GSX2: variants seen among roughly 807,000 people sequenced by gnomAD.
GSX2 encodes genetic-screened homeobox 2.
GSX2 carries 16 observed loss-of-function variants against 19.2 expected under a neutral mutation model. The observed-to-expected ratio is 0.84, with a 90% CI of 0.57 to 1.27. GSX2 has a LOEUF of 1.27. Among genes scored for constraint, GSX2 ranks in the 50% most tolerant of loss-of-function variants. GSX2 has a pLI of 0.00. For synonymous variants in GSX2, 217 were observed against 196.4 expected, an observed-to-expected ratio of 1.10 and a Z score of -0.88; for missense variants, 448 against 428.4, an observed-to-expected ratio of 1.05 and a Z score of -0.40.
rs1342141283 is a variant in GSX2 at position 54,100,718 on chromosome 4, C to T, written c.374C>T (p.Ala125Val). 4 of 1,548,330 alleles carry T rather than the reference C, an allele frequency of 2.6e-6. No homozygotes were observed. The highest frequency in any genetic ancestry group is 2.0e-5 in the Admixed American group (1 of 50,866). The change falls in exon 1 of 2, where the codon GCG becomes GTG. Residue 125 changes from alanine to valine, a missense_variant. Ala to Val is a moderately conservative substitution (Grantham distance 64, BLOSUM62 0). Coordinates refer to ENST00000326902, the MANE Select transcript of GSX2 (RefSeq NM_133267.3). ...CAGTTTTGCCCGCGGGTGAACCATGCGCATCATCACCACCACCCGCCGCAG... is the reference window on the plus strand; with the variant it reads ...CAGTTTTGCCCGCGGGTGAACCATGTGCATCATCACCACCACCCGCCGCAG... ...DAQFCPRVNH[A>V]HHHHHPPQHH...
chr4:54,102,466 T>C lies in GSX2; in HGVS notation c.*544T>C, dbSNP rs1718192301. 6.6e-6 allele frequency: 1 copy of C among 152,112 alleles called. No individual in the cohort carries two copies. The highest frequency in any genetic ancestry group is 1.5e-5 in the Non-Finnish European group (1 of 68,024). The allele number at this position is 152,112 out of a possible 1,614,324, so 9.4% of individuals were successfully genotyped here. A position where few individuals can be genotyped will look rare whatever the true frequency, so the allele number is the denominator to read the frequency against. On this transcript the variant is annotated 3_prime_UTR_variant, in exon 2 of 2. Coordinates refer to ENST00000326902, the MANE Select transcript of GSX2 (RefSeq NM_133267.3). The stretch of plus-strand genomic sequence containing the variant: ...TAGGTTTATATAAAATTTATATTTA[T>C]ATTTATTTAAATAAATGAAACAAAA...
chr4:54,101,266 C>A lies in GSX2; in HGVS notation c.575-316C>A, dbSNP rs1364753250. ...CCTGTGTGGCATCCCCGCGTCGGGG[C>A]GGCTAAAGCGTCTTGACGTTTTTGG... On this transcript the variant is annotated intron_variant, in intron 1 of 1. Transcript: ENST00000326902. The surrounding 1 kb of genome is among the most constrained non-coding windows in gnomAD (Gnocchi z 5.0). 1.3e-5 allele frequency among the ~76,000 whole-genome samples: 2 copies of A among 152,180 alleles called. No homozygotes were observed. The highest frequency in any genetic ancestry group is 2.9e-5 in the Non-Finnish European group (2 of 68,036).
chr4:54,100,459 C>A lies in GSX2; in HGVS notation c.115C>A (p.Pro39Thr). Reference sequence around the variant, plus strand: ...TTTCTTCATCCCGCTTGGCATGCCGCCCCCATTGGTGATGTCCGTGTCCGG... The same window carrying A: ...TTTCTTCATCCCGCTTGGCATGCCGACCCCATTGGTGATGTCCGTGTCCGG... Reference protein sequence around the residue: ...PDFFIPLGMPPPLVMSVSGPG... With the variant: ...PDFFIPLGMPTPLVMSVSGPG... Residue 39 changes from proline (P) to threonine (T), a missense_variant, in exon 1 of 2, where the codon CCC becomes ACC. Transcript: ENST00000326902. 1 of 1,613,978 alleles carries A rather than the reference C, an allele frequency of 6.2e-7. No individual in the cohort carries two copies. The highest frequency in any genetic ancestry group is 8.5e-7 in the Non-Finnish European group (1 of 1,179,966).
rs762586267 is a variant in GSX2, at chr4:54,102,045, G to A, written c.*123G>A. The stretch of plus-strand genomic sequence containing the variant: ...TCCCATCTGGAGAAGAAACGAACCT[G>A]GAAGTTCTGGAATGGACAAGCCGGG... On this transcript the variant is annotated 3_prime_UTR_variant, in exon 2 of 2. Coordinates refer to ENST00000326902, the MANE Select transcript of GSX2 (RefSeq NM_133267.3). 7 of 814,908 alleles carry A rather than the reference G, an allele frequency of 8.6e-6. No individual in the cohort carries two copies. Among genetic ancestry groups the A allele is most frequent in the Non-Finnish European group, 1.3e-5 (7 of 525,992 alleles). The allele number at this position is 814,908 out of a possible 1,614,324, so 50.5% of individuals were successfully genotyped here.
rs1718184685 is a variant in GSX2, at chr4:54,101,984, G to A, written c.*62G>A. 1.5e-6 allele frequency: 2 copies of A among 1,347,988 alleles called. No individual in the cohort carries two copies. The highest frequency in any genetic ancestry group is 1.5e-5 in the South Asian group (1 of 68,684). 83.5% of individuals were successfully genotyped at this position (1,347,988 alleles called of 1,614,324 possible). A position where few individuals can be genotyped will look rare whatever the true frequency, so the allele number is the denominator to read the frequency against. Reference sequence around the variant, plus strand: ...AGACCAGGCAACGCCAAGGCGTGGGGCACCCAGGGGCCAGAATCCTTGCTC... The same window carrying A: ...AGACCAGGCAACGCCAAGGCGTGGGACACCCAGGGGCCAGAATCCTTGCTC... On this transcript the variant is annotated 3_prime_UTR_variant, in exon 2 of 2. Coordinates refer to ENST00000326902, the MANE Select transcript of GSX2 (RefSeq NM_133267.3). This position sits in a 1 kb window ranked among gnomAD's most constrained non-coding sequence, Gnocchi z 5.0.
chr4:54,102,173 C>G lies in GSX2; in HGVS notation c.*251C>G. ...TAAATAACCTATAATTCAACTCATT[C>G]TTGTCGTATAACAGAGGAAAAACAG... On this transcript the variant is annotated 3_prime_UTR_variant, in exon 2 of 2. Coordinates refer to ENST00000326902, the MANE Select transcript of GSX2 (RefSeq NM_133267.3). 1 of 490,714 alleles carries G rather than the reference C, an allele frequency of 2.0e-6. No homozygotes were observed. The highest frequency in any genetic ancestry group is 2.9e-5 in the South Asian group (1 of 34,130). 30.4% of individuals were successfully genotyped at this position (490,714 alleles called of 1,614,324 possible). A position where few individuals can be genotyped will look rare whatever the true frequency, so the allele number is the denominator to read the frequency against.
Position 54,101,430 on chromosome 4 carries a change from C to T in GSX2, c.575-152C>T. 1 of 613,034 alleles carries T rather than the reference C, an allele frequency of 1.6e-6. No individual in the cohort carries two copies. The highest frequency in any genetic ancestry group is 2.8e-5 in the East Asian group (1 of 36,150). The allele number at this position is 613,034 out of a possible 1,614,324, so 38.0% of individuals were successfully genotyped here. ...CTTTGCACGTCTCTTTTCTTCCCCG[C>T]TAAGCAACCACGTGCCTTGAAATGG... On this transcript the variant is annotated intron_variant, in intron 1 of 1. Transcript: ENST00000326902. The surrounding 1 kb of genome is among the most constrained non-coding windows in gnomAD (Gnocchi z 5.0).
At position 54,100,286 on chromosome 4, in the gene GSX2, A is replaced by T; in HGVS notation, c.-59A>T. On this transcript the variant is annotated 5_prime_UTR_variant, in exon 1 of 2. Transcript: ENST00000326902. Reference sequence around the variant, plus strand: ...CGGCTCCCAGGGCAGAGCTTAGAACACTAGAGGAGAGGGGTCGCCGCGAAC... The same window carrying T: ...CGGCTCCCAGGGCAGAGCTTAGAACTCTAGAGGAGAGGGGTCGCCGCGAAC... 6.3e-7 allele frequency: 1 copy of T among 1,596,202 alleles called. No homozygotes were observed. The highest frequency in any genetic ancestry group is 8.5e-7 in the Non-Finnish European group (1 of 1,175,084).
Position 54,100,870 on chromosome 4 carries a change from A to C in GSX2, c.526A>C (p.Thr176Pro). 6.4e-7 allele frequency: 1 copy of C among 1,569,762 alleles called. No individual in the cohort carries two copies. The highest frequency in any genetic ancestry group is 8.6e-7 in the Non-Finnish European group (1 of 1,165,062). ...PQHHAPVCTATTYNVADPRRF... is the reference protein window; with the variant it reads ...PQHHAPVCTAPTYNVADPRRF... ...GCACCACGCACCTGTCTGCACCGCC[A>C]CCACCTACAACGTGGCGGACCCGCG... The change falls in exon 1 of 2, where the codon ACC (threonine) becomes CCC (proline). Residue 176 changes from threonine (T) to proline (P), a missense_variant. Thr to Pro is a conservative substitution (Grantham distance 38, BLOSUM62 -1). Coordinates refer to ENST00000326902, the MANE Select transcript of GSX2 (RefSeq NM_133267.3).
Position 54,100,788 on chromosome 4 carries a change from G to A in GSX2, c.444G>A (p.Ala148=). The A allele has an allele frequency of 6.9e-7, 1 of 1,451,358 alleles. No homozygotes were observed. Among genetic ancestry groups the A allele is most frequent in the Non-Finnish European group, 9.1e-7 (1 of 1,104,690 alleles). 89.9% of individuals were successfully genotyped at this position (1,451,358 alleles called of 1,614,324 possible). Residue 148 remains alanine, a synonymous_variant, in exon 1 of 2, where the codon GCG becomes GCA. Transcript: ENST00000326902. The part of the protein sequence containing the change: ...HHQPQQPGSA[A]AAAAAAAAAA... Reference sequence around the variant, plus strand: ...AGCCCCAGCAGCCTGGCTCGGCCGCGGCGGCGGCAGCAGCAGCAGCGGCGG... The same window carrying A: ...AGCCCCAGCAGCCTGGCTCGGCCGCAGCGGCGGCAGCAGCAGCAGCGGCGG...
rs2110111438 is a variant in GSX2, at chr4:54,100,515, G to C, written c.171G>C (p.Ala57=). ...GCTGCCCGTCCCGCAAGAGCGGCGC[G>C]TTCTGCGTGTGCCCTCTCTGCGTCA... ...GPGCPSRKSG[A]FCVCPLCVTS... The change falls in exon 1 of 2, where the codon GCG becomes GCC. Residue 57 remains alanine (A), a synonymous_variant. Coordinates refer to ENST00000326902, the MANE Select transcript of GSX2 (RefSeq NM_133267.3). 6.2e-7 allele frequency: 1 copy of C among 1,613,174 alleles called. No homozygotes were observed. The highest frequency in any genetic ancestry group is 2.2e-5 in the East Asian group (1 of 44,820).
In GSX2 at chr4:54,100,725, TCAC is replaced by T. The variant is rs1272462735; in HGVS notation, c.389_391del (p.His130del). The T allele has an allele frequency of 6.5e-7, 1 of 1,547,160 alleles. No homozygotes were observed. The highest frequency in any genetic ancestry group is 2.5e-5 in the East Asian group (1 of 40,502). On this transcript the variant is annotated inframe_deletion, in exon 1 of 2. Transcript: ENST00000326902. ...GCCCGCGGGTGAACCATGCGCATCATCACCACCACCCGCCGCAGCACCACCATC... is the reference window on the plus strand; with the variant it reads ...GCCCGCGGGTGAACCATGCGCATCATCACCACCCGCCGCAGCACCACCATC...
rs1245081629 is a variant in GSX2 at position 54,100,364 on chromosome 4, T to C, written c.20T>C (p.Val7Ala). MSRSFY[V>A]DSLIIKDTSR... ...CTCGACATGTCGCGCTCCTTCTATG[T>C]CGACTCGCTCATCATCAAGGACACC... The change falls in exon 1 of 2, where the codon GTC becomes GCC. Residue 7 changes from valine to alanine, a missense_variant. Val to Ala is a moderately conservative substitution (Grantham distance 64). Coordinates refer to ENST00000326902, the MANE Select transcript of GSX2 (RefSeq NM_133267.3). 6.2e-7 allele frequency: 1 copy of C among 1,613,810 alleles called. No homozygotes were observed. Among genetic ancestry groups the C allele is most frequent in the South Asian group, 1.1e-5 (1 of 91,068 alleles).
rs189087731 is a variant in GSX2 at position 54,101,526 on chromosome 4, G to A, written c.575-56G>A. The stretch of plus-strand genomic sequence containing the variant: ...GAAATGCGTCCTGGTTAGCACATGG[G>A]GTGGGAGCACCTTGCCCGAGCCTTA... On this transcript the variant is annotated intron_variant, in intron 1 of 1. Transcript: ENST00000326902. The surrounding 1 kb of genome is among the most constrained non-coding windows in gnomAD (Gnocchi z 5.0). The A allele has an allele frequency of 2.5e-6, 3 of 1,220,040 alleles. No individual in the cohort carries two copies. Among genetic ancestry groups the A allele is most frequent in the East Asian group, 4.7e-5 (2 of 42,666 alleles). The allele number at this position is 1,220,040 out of a possible 1,614,324, so 75.6% of individuals were successfully genotyped here.
Position 54,100,224 on chromosome 4 carries a change from C to T in GSX2, c.-121C>T. On this transcript the variant is annotated 5_prime_UTR_variant, in exon 1 of 2. Coordinates refer to ENST00000326902, the MANE Select transcript of GSX2 (RefSeq NM_133267.3). Reference sequence around the variant, plus strand: ...TTGTTCCCAGCCCAGACGCCAACACCTCTGCGTCCCCAAGGGCTTGACTGC... The same window carrying T: ...TTGTTCCCAGCCCAGACGCCAACACTTCTGCGTCCCCAAGGGCTTGACTGC... The T allele has an allele frequency of 1.0e-5, 15 of 1,446,270 alleles. No homozygotes were observed. The highest frequency in any genetic ancestry group is 1.3e-5 in the Non-Finnish European group (14 of 1,076,002). 89.6% of individuals were successfully genotyped at this position (1,446,270 alleles called of 1,614,324 possible). A position where few individuals can be genotyped will look rare whatever the true frequency, so the allele number is the denominator to read the frequency against.
chr4:54,101,855 G>T lies in GSX2; in HGVS notation c.848G>T (p.Arg283Leu), dbSNP rs755578444. The stretch of plus-strand genomic sequence containing the variant: ...GTCGGGAGCCAGGTGCACTACGCGC[G>T]CTCCGAGGATGAGGACTCCCTGTCG... ...KCVGSQVHYA[R>L]SEDEDSLSPA... Residue 283 changes from arginine (R) to leucine (L), a missense_variant, in exon 2 of 2, where the codon CGC (arginine) becomes CTC (leucine). Coordinates refer to ENST00000326902, the MANE Select transcript of GSX2 (RefSeq NM_133267.3). The surrounding 1 kb of genome is among the most constrained non-coding windows in gnomAD (Gnocchi z 5.0). 1.2e-6 allele frequency: 2 copies of T among 1,614,118 alleles called. No homozygotes were observed. The highest frequency in any genetic ancestry group is 1.7e-5 in the Admixed American group (1 of 60,030).
chr4:54,101,067 T>G lies in GSX2; in HGVS notation c.574+149T>G, dbSNP rs1718165046. On this transcript the variant is annotated intron_variant, in intron 1 of 1. Coordinates refer to ENST00000326902, the MANE Select transcript of GSX2 (RefSeq NM_133267.3). The surrounding 1 kb of genome is among the most constrained non-coding windows in gnomAD (Gnocchi z 5.0). ...GTAACCGTAGAGTCAGCCACAGAAG[T>G]TCCACGAAAGTGGAAGTTAGTTTGC... 2.8e-6 allele frequency: 2 copies of G among 712,442 alleles called. No individual in the cohort carries two copies. The highest frequency in any genetic ancestry group is 4.3e-6 in the Non-Finnish European group (2 of 463,250). 44.1% of individuals were successfully genotyped at this position (712,442 alleles called of 1,614,324 possible).
rs1560411118 is a variant in GSX2 at position 54,101,408 on chromosome 4, T to C, written c.575-174T>C. On this transcript the variant is annotated intron_variant, in intron 1 of 1. Coordinates refer to ENST00000326902, the MANE Select transcript of GSX2 (RefSeq NM_133267.3). This position sits in a 1 kb window ranked among gnomAD's most constrained non-coding sequence, Gnocchi z 5.0. Reference sequence around the variant, plus strand: ...GCGCATCGAAGACCTTTATTTGCTTTGCACGTCTCTTTTCTTCCCCGCTAA... The same window carrying C: ...GCGCATCGAAGACCTTTATTTGCTTCGCACGTCTCTTTTCTTCCCCGCTAA... Among the ~76,000 whole-genome samples, 1 of 152,224 alleles carries C rather than the reference T, an allele frequency of 6.6e-6. No homozygotes were observed. The highest frequency in any genetic ancestry group is 2.4e-5 in the African/African-American group (1 of 41,472).
Position 54,101,009 on chromosome 4 carries a change from G to C in GSX2, c.574+91G>C, listed in dbSNP as rs1175924619. ...TCCAGTGGAGGAAGTGGGAGCCCGGGGACAGGGTGAAGAGAGAGGACGGGC... is the reference window on the plus strand; with the variant it reads ...TCCAGTGGAGGAAGTGGGAGCCCGGCGACAGGGTGAAGAGAGAGGACGGGC... On this transcript the variant is annotated intron_variant, in intron 1 of 1. Transcript: ENST00000326902. The surrounding 1 kb of genome is among the most constrained non-coding windows in gnomAD (Gnocchi z 5.0). 7 of 1,138,774 alleles carry C rather than the reference G, an allele frequency of 6.1e-6. No individual in the cohort carries two copies. In the East Asian group the frequency reaches 2.1e-4, roughly 34 times the overall value. The allele number at this position is 1,138,774 out of a possible 1,614,324, so 70.5% of individuals were successfully genotyped here.
Sources: allele counts gnomAD v4.1 joint callset (sites outside exome capture counted in the v4.1 genomes callset), GRCh38; gene constraint gnomAD v4.1.1; non-coding constraint Gnocchi (gnomAD v3.1); transcripts MANE v1.5; gene names NCBI Gene and HGNC (gene_info 2026-07-23, HGNC 2026-07-21).